Variants in WIPI2 observed in about 807,000 individuals in gnomAD.
WIPI2 encodes the protein WD repeat domain, phosphoinositide interacting 2.
In WIPI2, 28 loss-of-function variants were observed where a neutral mutation model predicts 52.3. The observed-to-expected ratio is 0.54, with a 90% CI of 0.40 to 0.73. The LOEUF is 0.73. Among genes scored for constraint, WIPI2 ranks in the 30% least tolerant of loss-of-function variants. The pLI is 0.00. For synonymous variants in WIPI2, 268 were observed against 245.0 expected (o/e 1.09, Z -0.88); for missense variants, 506 against 602.9 (o/e 0.84, Z 1.68).
At chr7:5,217,360 AGTGG>A in intron 6 of WIPI2, 173 bp downstream of exon 6, 3 of 677,986 alleles carry the variant, frequency 4.4e-6, no homozygotes, top group Non-Finnish European at 7.8e-6. Flanking sequence ...GCTGGAGTGC[AGTGG>A]TGCAGTCCTA....
intron 1 of WIPI2, among the ~76,000 whole-genome samples, chr7:5,191,283 A>C (rs1178206226): frequency 1.3e-5 from 2 of 152,094 alleles, no homozygotes; most frequent in African/African-American, 4.8e-5. Flanking sequence ...CAGCCTCCCA[A>C]AGTGCTGGGA....
chr7:5,197,383 G>A (rs971128824), intron 2 of WIPI2, among the ~76,000 whole-genome samples: 12 of 152,114 alleles, frequency 7.9e-5, no homozygotes. Context: ...GTTCTGGGTT[G>A]CTGAGATTTT....
chr7:5,204,971 C>A (rs566049820), intron 3 of WIPI2, among the ~76,000 whole-genome samples: 2 of 152,226 alleles, frequency 1.3e-5, no homozygotes, highest in East Asian at 3.9e-4. Context: ...CCAACATGCC[C>A]GGCCTATTAG....
intron 3 of WIPI2, among the ~76,000 whole-genome samples, chr7:5,203,095 T>C (rs908506813): frequency 2.6e-5 from 4 of 152,214 alleles, no homozygotes; most frequent in Non-Finnish European, 4.4e-5. Context: ...TGTTGACATA[T>C]AACATCTTTT....
chr7:5,201,897 C>G (rs892073517), intron 3 of WIPI2, among the ~76,000 whole-genome samples: 1 of 151,958 alleles, frequency 6.6e-6, no homozygotes, highest in Non-Finnish European at 1.5e-5. Flanking sequence ...TTAAACTGAT[C>G]TATTACATTG....
intron 4 of WIPI2, 90 bp downstream of exon 4, chr7:5,214,794 A>G (rs1782729957): frequency 6.9e-7 from 1 of 1,459,288 alleles, no homozygotes; most frequent in Admixed American, 1.7e-5. Context: ...CCCCTCCGTC[A>G]TTCCCTTGCT....
At position 5,230,500 on chromosome 7, in the gene WIPI2, C is replaced by A. The variant is rs936906142; in HGVS notation, c.1253-335C>A. ...CCGGCACTTCCAGTTCATGAGCCCA[C>A]CCTGAGAGTCTCCTAGTGTCATTTT... On this transcript the variant is annotated intron_variant, in intron 12 of 12. Transcript: ENST00000288828. The surrounding 1 kb of genome is among the most constrained non-coding windows in gnomAD (Gnocchi z 4.8). Among the ~76,000 whole-genome samples, 3 of 152,216 alleles carry A rather than the reference C, an allele frequency of 2.0e-5. No homozygotes were observed. The highest frequency in any genetic ancestry group is 4.8e-5 in the African/African-American group (2 of 41,462).
chr7:5,206,612 TTTTC>T (rs1334957931), intron 3 of WIPI2, among the ~76,000 whole-genome samples: 3 of 152,198 alleles, frequency 2.0e-5, no homozygotes, highest in African/African-American at 4.8e-5. Context: ...AAGACATCAT[TTTTC>T]TTTCTAACAT....
chr7:5,206,122 G>T (rs1432768207), intron 3 of WIPI2, among the ~76,000 whole-genome samples: 2 of 151,972 alleles, frequency 1.3e-5, no homozygotes, highest in Non-Finnish European at 2.9e-5. Flanking sequence ...ACTAGAAAGG[G>T]TTTTTCCTGC....
At chr7:5,204,061 C>G (rs1782175941) in intron 3 of WIPI2, among the ~76,000 whole-genome samples, 1 of 152,236 alleles carries the variant, frequency 6.6e-6, no homozygotes, top group Admixed American at 6.5e-5. Flanking sequence ...ACCTAGCAGC[C>G]TGATCCATTG....
In WIPI2 at chr7:5,232,165, C is replaced by T. The variant is rs932295308; in HGVS notation, c.*1218C>T. On this transcript the variant is annotated 3_prime_UTR_variant, in exon 13 of 13. Coordinates refer to ENST00000288828, the MANE Select transcript of WIPI2 (RefSeq NM_015610.4). ...ATGGCAGGAGAGATGGTTTTAGAAT[C>T]TATGGAGTGGTGGAAGTTACGGATA... is the stretch of plus-strand genomic sequence containing the variant. 1 of 398,744 alleles carries T rather than the reference C, an allele frequency of 2.5e-6. No individual in the cohort carries two copies. The highest frequency in any genetic ancestry group is 2.1e-5 in the African/African-American group (1 of 48,644). The allele number at this position is 398,744 out of a possible 1,614,324, so 24.7% of individuals were successfully genotyped here. A position where few individuals can be genotyped will look rare whatever the true frequency, so the allele number is the denominator to read the frequency against.
chr7:5,195,638 G>T (rs1036539605), intron 2 of WIPI2, among the ~76,000 whole-genome samples: 3 of 152,162 alleles, frequency 2.0e-5, no homozygotes, highest in African/African-American at 7.2e-5. Flanking sequence ...TTTATGGTCA[G>T]GTCAATTTTG....
rs149912683 is a variant in WIPI2, at chr7:5,194,860, G to A, written c.128+1689G>A. ...TGGAAGCTAGCGAGTGGTAAAGGAA[G>A]TGGGATCTCAAATTGCTAGTGAAGA... On this transcript the variant is annotated intron_variant, in intron 2 of 12. Coordinates refer to ENST00000288828, the MANE Select transcript of WIPI2 (RefSeq NM_015610.4). 1.5e-3 allele frequency among the ~76,000 whole-genome samples: 225 copies of A among 152,326 alleles called. 1 individual carries two copies. Among genetic ancestry groups the A allele is most frequent in the African/African-American group, 5.2e-3 (218 of 41,574 alleles).
At chr7:5,194,332 C>T (rs541794810) in intron 2 of WIPI2, among the ~76,000 whole-genome samples, 4 of 152,256 alleles carry the variant, frequency 2.6e-5, no homozygotes, top group African/African-American at 7.2e-5. Flanking sequence ...GGGCTCTATC[C>T]GCCTAAGCAC....
intron 3 of WIPI2, among the ~76,000 whole-genome samples, chr7:5,207,589 C>G (rs1473048123): frequency 6.6e-6 from 1 of 152,034 alleles, no homozygotes; most frequent in East Asian, 1.9e-4. Flanking sequence ...CATGAACATT[C>G]TCGTACAAGT....
At position 5,230,073 on chromosome 7, in the gene WIPI2, C is replaced by T. The variant is rs1181458892; in HGVS notation, c.1252+335C>T. Among the ~76,000 whole-genome samples, 2 of 151,942 alleles carry T rather than the reference C, an allele frequency of 1.3e-5. No individual in the cohort carries two copies. The highest frequency in any genetic ancestry group is 2.9e-5 in the Non-Finnish European group (2 of 67,976). On this transcript the variant is annotated intron_variant, in intron 12 of 12. Coordinates refer to ENST00000288828, the MANE Select transcript of WIPI2 (RefSeq NM_015610.4). The surrounding 1 kb of genome is among the most constrained non-coding windows in gnomAD (Gnocchi z 4.8). Reference sequence around the variant, plus strand: ...TAGGCATGAGCCACCGTACCAGGCTCATTTTCTCCGTTTTTAAAGAAAATG... The same window carrying T: ...TAGGCATGAGCCACCGTACCAGGCTTATTTTCTCCGTTTTTAAAGAAAATG...
intron 3 of WIPI2, among the ~76,000 whole-genome samples, chr7:5,204,505 A>G (rs1782196669): frequency 6.6e-6 from 1 of 152,236 alleles, no homozygotes; most frequent in Admixed American, 6.5e-5. Flanking sequence ...ATAGAAAAAT[A>G]TTAGAGCATC....
Position 5,227,984 on chromosome 7 carries a change from C to A in WIPI2, c.1014-120C>A. Reference sequence around the variant, plus strand: ...TCAGTGGGGCGCCAGACACCTGCAGCTGCCCTTGTGCTCATCTTGCTGGGG... The same window carrying A: ...TCAGTGGGGCGCCAGACACCTGCAGATGCCCTTGTGCTCATCTTGCTGGGG... On this transcript the variant is annotated intron_variant, in intron 10 of 12. Coordinates refer to ENST00000288828, the MANE Select transcript of WIPI2 (RefSeq NM_015610.4). This position sits in a 1 kb window ranked among gnomAD's most constrained non-coding sequence, Gnocchi z 8.1. 1.1e-6 allele frequency: 1 copy of A among 895,080 alleles called. No homozygotes were observed. The highest frequency in any genetic ancestry group is 1.4e-5 in the South Asian group (1 of 70,810). The allele number at this position is 895,080 out of a possible 1,614,324, so 55.4% of individuals were successfully genotyped here. A position where few individuals can be genotyped will look rare whatever the true frequency, so the allele number is the denominator to read the frequency against.
Position 5,232,552 on chromosome 7 carries a change from CGCAGGCTGAG to C in WIPI2, c.*1606_*1615del. Reference sequence around the variant, plus strand: ...CTTTGATGAAATGGGATCCCGGTCACGCAGGCTGAGACAGTGGGGACCGCCGAGGCCAGAG... The same window carrying C: ...CTTTGATGAAATGGGATCCCGGTCACACAGTGGGGACCGCCGAGGCCAGAG... On this transcript the variant is annotated 3_prime_UTR_variant, in exon 13 of 13. Transcript: ENST00000288828. 1 of 378,120 alleles carries C rather than the reference CGCAGGCTGAG, an allele frequency of 2.6e-6. No individual in the cohort carries two copies. Among genetic ancestry groups the C allele is most frequent in the Non-Finnish European group, 4.7e-6 (1 of 213,586 alleles). 23.4% of individuals were successfully genotyped at this position (378,120 alleles called of 1,614,324 possible).
Sources: allele counts gnomAD v4.1 joint callset (sites outside exome capture counted in the v4.1 genomes callset), GRCh38; gene constraint gnomAD v4.1.1; non-coding constraint Gnocchi (gnomAD v3.1); transcripts MANE v1.5; gene names NCBI Gene and HGNC (gene_info 2026-07-23, HGNC 2026-07-21).